Variants in PDE6B observed in about 807,000 individuals in gnomAD.
PDE6B encodes rod cGMP-specific 3',5'-cyclic phosphodiesterase subunit beta.
A neutral mutation model predicts 109.0 loss-of-function variants in PDE6B; 106 were observed. That is an observed-to-expected ratio of 0.97 (90% confidence interval 0.83 to 1.14). PDE6B has a LOEUF of 1.14. PDE6B is among the 50% of genes most tolerant of loss of function. PDE6B has a pLI of 0.00. For missense variants in PDE6B, 1,193 were observed against 1,155.6 expected (o/e 1.03, Z -0.47); for synonymous variants, 490 against 471.3 (o/e 1.04, Z -0.51).
In PDE6B at chr4:665,382, T is replaced by A; in HGVS notation, c.2268+53T>A. ...TCCTGAAACGGGTGTTAGAGACCCC[T>A]CTTGGTCCTCAGGAGCCTCAGGTCC... On this transcript the variant is annotated intron_variant, in intron 19 of 21. Transcript: ENST00000496514. This position sits in a 1 kb window ranked among gnomAD's most constrained non-coding sequence, Gnocchi z 4.0. The A allele has an allele frequency of 7.7e-7, 1 of 1,295,472 alleles. No individual in the cohort carries two copies. The highest frequency in any genetic ancestry group is 1.1e-6 in the Non-Finnish European group (1 of 893,304). 80.2% of individuals were successfully genotyped at this position (1,295,472 alleles called of 1,614,324 possible).
Position 670,043 on chromosome 4 carries a change from C to G in PDE6B, c.2504-3C>G, listed in dbSNP as rs368699766. The stretch of plus-strand genomic sequence containing the variant: ...ACTCACCATCTTCTGTCTTCTCTTG[C>G]AGTAGGCACAGAAATTTGCAATGGC... On this transcript the variant is annotated splice_polypyrimidine_tract_variant and splice_region_variant and intron_variant, in intron 21 of 21. Transcript: ENST00000496514. 1 of 1,611,458 alleles carries G rather than the reference C, an allele frequency of 6.2e-7. No individual in the cohort carries two copies. The highest frequency in any genetic ancestry group is 1.3e-5 in the African/African-American group (1 of 74,832).
intron 11 of PDE6B, among the ~76,000 whole-genome samples, chr4:659,992 C>T (rs1205098122): frequency 6.6e-6 from 1 of 152,006 alleles, no homozygotes; most frequent in Admixed American, 6.5e-5. Flanking sequence ...TGTGTTACCT[C>T]ATGGCTGTGT....
intron 21 of PDE6B, among the ~76,000 whole-genome samples, chr4:669,716 C>T (rs1248929365): frequency 7.3e-6 from 1 of 137,482 alleles, no homozygotes; most frequent in Non-Finnish European, 1.5e-5. Flanking sequence ...CATGCTATTC[C>T]CGCTACCCCA....
chr4:651,368 G>C (rs1050686232), intron 3 of PDE6B, among the ~76,000 whole-genome samples: 1 of 152,158 alleles, frequency 6.6e-6, no homozygotes, highest in South Asian at 2.1e-4. Context: ...CCTCAGGGGG[G>C]GCCTCCTGGA....
intron 1 of PDE6B, 110 bp from the exon 2 acceptor site, chr4:634,567 T>C (rs1047628039): frequency 5.3e-6 from 5 of 939,110 alleles, no homozygotes; most frequent in Non-Finnish European, 8.8e-6. Context: ...CCTGGGCACC[T>C]CACACCTGGA....
rs1344565453 is a variant in PDE6B, at chr4:665,878, C to T, written c.2268+549C>T. Among the ~76,000 whole-genome samples the T allele has an allele frequency of 3.9e-5, 6 of 152,140 alleles. No individual in the cohort carries two copies. The highest frequency in any genetic ancestry group is 4.8e-5 in the African/African-American group (2 of 41,430). On this transcript the variant is annotated intron_variant, in intron 19 of 21. Transcript: ENST00000496514. The surrounding 1 kb of genome is among the most constrained non-coding windows in gnomAD (Gnocchi z 4.0). The stretch of plus-strand genomic sequence containing the variant: ...TGGGAGCTGTGGTTTCTCACACACC[C>T]GCTCTGGTGGGCGGCGAGGGGCTCT...
intron 3 of PDE6B, among the ~76,000 whole-genome samples, chr4:645,881 T>C (rs10031745): frequency 0.19 from 29,477 of 151,964 alleles, 3,686 homozygotes; most frequent in African/African-American, 0.34. Flanking sequence ...ACTTAGAGTG[T>C]GGCTATCTTA....
intron 5 of PDE6B, 163 bp from the exon 6 acceptor site, chr4:654,661 C>G: frequency 1.4e-6 from 1 of 732,734 alleles, no homozygotes; most frequent in Non-Finnish European, 2.5e-6. Context: ...AGAATACCTG[C>G]GCACGGCGGA....
intron 3 of PDE6B, among the ~76,000 whole-genome samples, chr4:643,970 G>T (rs1381521210): frequency 7.0e-6 from 1 of 143,460 alleles, no homozygotes; most frequent in Non-Finnish European, 1.5e-5. Context: ...CCAGGCTGGA[G>T]TGCAGTGGTG....
chr4:628,639 G>C (rs1734235254), intron 1 of PDE6B, among the ~76,000 whole-genome samples: 2 of 152,248 alleles, frequency 1.3e-5, no homozygotes, highest in African/African-American at 4.8e-5. Flanking sequence ...TCCTGGAGCT[G>C]AGGGTGCCAG....
At chr4:660,293 C>T (rs545592024) in intron 11 of PDE6B, among the ~76,000 whole-genome samples, 174 bp from the exon 12 acceptor site, 2 of 152,298 alleles carry the variant, frequency 1.3e-5, no homozygotes, top group South Asian at 4.1e-4. Flanking sequence ...GAGGCTGAGC[C>T]AGGGGGGCGT....
chr4:655,528 GAGAGGGAGGGGTTCCCA>G (rs1466657549), intron 6 of PDE6B: 3 of 355,630 alleles, frequency 8.4e-6, no homozygotes, highest in African/African-American at 2.1e-5. Flanking sequence ...ACGGCCTCCG[GAGAGGGAGGGGTTCCCA>G]AGAGGGAGGG....
At chr4:650,194 C>T (rs28380593) in intron 3 of PDE6B, among the ~76,000 whole-genome samples, 19,866 of 152,244 alleles carry the variant, frequency 0.13, 1,418 homozygotes, top group East Asian at 0.21. Flanking sequence ...AACTCCAGGG[C>T]GGGCCTCCAG....
chr4:634,661 T>A lies in PDE6B; in HGVS notation c.469-16T>A. 6.2e-7 allele frequency: 1 copy of A among 1,609,644 alleles called. No individual in the cohort carries two copies. The highest frequency in any genetic ancestry group is 1.1e-5 in the South Asian group (1 of 90,974). The stretch of plus-strand genomic sequence containing the variant: ...GGTGCGACAGCCTCTTTAGCCTCTT[T>A]CCTCTCTTGCGGCAGTGCCCTCACT... On this transcript the variant is annotated splice_polypyrimidine_tract_variant and intron_variant, in intron 1 of 21. Transcript: ENST00000496514.
At chr4:638,495 G>A (rs1444198062) in intron 3 of PDE6B, among the ~76,000 whole-genome samples, 3 of 152,022 alleles carry the variant, frequency 2.0e-5, no homozygotes, top group Non-Finnish European at 4.4e-5. Context: ...GCTAGTTTTT[G>A]TATTTTTAGT....
rs377243929 is a variant in PDE6B, at chr4:662,534, C to T, written c.1748C>T (p.Thr583Met). The T allele has an allele frequency of 1.2e-5, 19 of 1,612,224 alleles. No individual in the cohort carries two copies. Among genetic ancestry groups the T allele is most frequent in the Admixed American group, 1.2e-4 (7 of 60,004 alleles). Residue 583 changes from threonine (T) to methionine (M), a missense_variant, in exon 14 of 22, where the codon ACG becomes ATG. Transcript: ENST00000496514. The surrounding 1 kb of genome is among the most constrained non-coding windows in gnomAD (Gnocchi z 4.3). ...LMTGKLKSYY[T>M]DLEAFAMVTA... ...ACCGGCAAACTGAAGAGCTACTACA[C>T]GGACCTGGAGGCCTTCGCCATGGTG...
intron 3 of PDE6B, among the ~76,000 whole-genome samples, chr4:645,406 C>T (rs1735152401): frequency 6.6e-6 from 1 of 151,466 alleles, no homozygotes; most frequent in Non-Finnish European, 1.5e-5. Flanking sequence ...CGCCATTCTC[C>T]TGCCTCAGCC....
rs990389286 is a variant in PDE6B, at chr4:626,805, G to T, written c.468+711G>T. Among the ~76,000 whole-genome samples the T allele has an allele frequency of 9.9e-5, 15 of 152,198 alleles. No homozygotes were observed. The highest frequency in any genetic ancestry group is 3.6e-4 in the African/African-American group (15 of 41,444). ...GCAGACGCTTCCCGAGGACAGAGGC[G>T]GTCCTGGCGGGACTGGAGAACAAGA... On this transcript the variant is annotated intron_variant, in intron 1 of 21. Coordinates refer to ENST00000496514, the MANE Select transcript of PDE6B (RefSeq NM_000283.4). The surrounding 1 kb of genome is among the most constrained non-coding windows in gnomAD (Gnocchi z 4.6).
intron 3 of PDE6B, among the ~76,000 whole-genome samples, chr4:639,148 GT>G (rs35691873): frequency 0.03 from 4,468 of 147,240 alleles, 231 homozygotes; most frequent in African/African-American, 0.1. Context: ...TTTGGGGGGT[GT>G]TTTTTTTTTT....
Sources: gnomAD v4.1 joint callset for allele counts (sites outside exome capture counted in the v4.1 genomes callset) on GRCh38, gnomAD v4.1.1 for gene constraint, Gnocchi (gnomAD v3.1) non-coding constraint, MANE v1.5 for transcripts, NCBI Gene and HGNC (gene_info 2026-07-23, HGNC 2026-07-21) for gene names.